DLG2: variants seen among roughly 807,000 people sequenced by gnomAD.
The protein encoded by DLG2 is discs large MAGUK scaffold protein 2, also known as disks large homolog 2.
DLG2 carries 45 observed loss-of-function variants against 132.5 expected under a neutral mutation model. The ratio of observed to expected loss-of-function variants is 0.34; its 90% CI spans 0.27 to 0.44. The LOEUF is 0.44. DLG2 is among the 20% of genes least tolerant of loss of function. DLG2 has a pLI of 1.00. For missense variants in DLG2, 1,045 were observed against 1,196.9 expected, an observed-to-expected ratio of 0.87 and a Z score of 1.87; for synonymous variants, 424 against 419.6, an observed-to-expected ratio of 1.01 and a Z score of -0.13.
At chr11:83,560,371 G>C (rs2096590709) in intron 19 of DLG2, among the ~76,000 whole-genome samples, 1 of 152,162 alleles carries the variant, frequency 6.6e-6, no homozygotes, top group Non-Finnish European at 1.5e-5. Flanking sequence ...ACCCACCTCA[G>C]CCTCCCAAAG....
chr11:85,078,380 T>A (rs1364711163), intron 6 of DLG2, among the ~76,000 whole-genome samples: 1 of 151,370 alleles, frequency 6.6e-6, no homozygotes, highest in Non-Finnish European at 1.5e-5. Context: ...GAAAGAACAT[T>A]CCAGGCAGAA....
At chr11:84,714,289 G>T (rs2060772084) in intron 6 of DLG2, among the ~76,000 whole-genome samples, 1 of 151,922 alleles carries the variant, frequency 6.6e-6, no homozygotes, top group South Asian at 2.1e-4. Context: ...TGAATTGATG[G>T]CTCCTCTGCT....
chr11:84,719,719 G>A (rs1332331384), intron 6 of DLG2, among the ~76,000 whole-genome samples: 1 of 152,134 alleles, frequency 6.6e-6, no homozygotes. Context: ...GAGTAACTGC[G>A]CCACCTCTTG....
rs574603898 is a variant in DLG2 at position 85,060,313 on chromosome 11, T to A, written c.357+51348A>T. 2.0e-4 allele frequency among the ~76,000 whole-genome samples: 30 copies of A among 150,756 alleles called. 1 individual carries two copies. In the South Asian group the frequency reaches 6.0e-3, roughly 30 times the overall value. On this transcript the variant is annotated intron_variant, in intron 6 of 27. Coordinates refer to ENST00000376104, the MANE Select transcript of DLG2 (RefSeq NM_001142699.3). ...TTAAAGGCTAAGTATATGTATATAA[T>A]ATATAACATAAGCATATTATATACA...
At chr11:84,148,281 G>A (rs1279588637) in intron 9 of DLG2, among the ~76,000 whole-genome samples, 1 of 152,100 alleles carries the variant, frequency 6.6e-6, no homozygotes, top group East Asian at 1.9e-4. Context: ...GGCATATTGT[G>A]TGACGCTGAG....
intron 6 of DLG2, among the ~76,000 whole-genome samples, chr11:84,987,793 T>G (rs989050251): frequency 1.3e-5 from 2 of 152,198 alleles, no homozygotes; most frequent in Non-Finnish European, 2.9e-5. Context: ...GACTTAAATG[T>G]GAGACCTGAA....
At chr11:85,179,398 TATATC>T (rs1357265657) in intron 4 of DLG2, among the ~76,000 whole-genome samples, 2 of 151,834 alleles carry the variant, frequency 1.3e-5, no homozygotes, top group East Asian at 3.9e-4. Context: ...ATAAATAAAA[TATATC>T]ATAAGTCAAA....
At chr11:84,628,879 A>G (rs1336633637) in intron 6 of DLG2, among the ~76,000 whole-genome samples, 1 of 152,208 alleles carries the variant, frequency 6.6e-6, no homozygotes, top group Non-Finnish European at 1.5e-5. Context: ...TAATTGTAAA[A>G]TGCATAATTG....
At chr11:84,511,821 G>A (rs1301120133) in intron 7 of DLG2, among the ~76,000 whole-genome samples, 1 of 152,088 alleles carries the variant, frequency 6.6e-6, no homozygotes, top group Non-Finnish European at 1.5e-5. Context: ...TCAGGGCCCT[G>A]CTTGGAGCTT....
At chr11:85,014,031 C>T (rs1292517990) in intron 6 of DLG2, among the ~76,000 whole-genome samples, 1 of 152,052 alleles carries the variant, frequency 6.6e-6, no homozygotes, top group Admixed American at 6.6e-5. Flanking sequence ...GGATTCTCCT[C>T]AAAAGAGAGG....
chr11:84,517,539 G>A (rs1463750904), intron 7 of DLG2, among the ~76,000 whole-genome samples: 2 of 152,062 alleles, frequency 1.3e-5, no homozygotes, highest in Non-Finnish European at 2.9e-5. Flanking sequence ...CTTACACACT[G>A]TTGATGGGAA....
rs191468594 is a variant in DLG2 at position 85,119,917 on chromosome 11, A to G, written c.283-8182T>C. Among the ~76,000 whole-genome samples, 65 of 152,248 alleles carry G rather than the reference A, an allele frequency of 4.3e-4. No homozygotes were observed. In the East Asian group the frequency reaches 0.012, roughly 27 times the overall value. On this transcript the variant is annotated intron_variant, in intron 5 of 27. Coordinates refer to ENST00000376104, the MANE Select transcript of DLG2 (RefSeq NM_001142699.3). ...CTACATGGGAAAGGTAACAATTACC[A>G]TATTTCCAAAGAATAAAGAATTTTA...
intron 3 of DLG2, among the ~76,000 whole-genome samples, chr11:85,497,426 C>A (rs981182072): frequency 6.6e-6 from 1 of 151,958 alleles, no homozygotes; most frequent in Non-Finnish European, 1.5e-5. Flanking sequence ...TCTGGAACTA[C>A]GTGAACAGGC....
chr11:84,184,722 T>C (rs2096240010), intron 8 of DLG2, among the ~76,000 whole-genome samples: 1 of 152,124 alleles, frequency 6.6e-6, no homozygotes, highest in Non-Finnish European at 1.5e-5. Context: ...TTTAAGTCTT[T>C]AATCCATCTT....
At chr11:85,386,612 T>C (rs73525497) in intron 3 of DLG2, among the ~76,000 whole-genome samples, 2,168 of 152,200 alleles carry the variant, frequency 0.014, 52 homozygotes, top group African/African-American at 0.049. Context: ...ATTATTAACA[T>C]AGATTATGTT....
At chr11:83,817,966 C>T (rs1217012135) in intron 17 of DLG2, among the ~76,000 whole-genome samples, 1 of 152,142 alleles carries the variant, frequency 6.6e-6, no homozygotes, top group African/African-American at 2.4e-5. Flanking sequence ...TTCAAAAACC[C>T]TTCAGTGCAT....
At chr11:84,636,261 A>G (rs867756163) in intron 6 of DLG2, among the ~76,000 whole-genome samples, 13 of 152,346 alleles carry the variant, frequency 8.5e-5, no homozygotes, top group Middle Eastern at 3.4e-3. Flanking sequence ...CATTTGGCCG[A>G]GAAATAGCCA....
chr11:85,038,182 A>G (rs2061570316), intron 6 of DLG2, among the ~76,000 whole-genome samples: 1 of 152,094 alleles, frequency 6.6e-6, no homozygotes, highest in Admixed American at 6.5e-5. Flanking sequence ...GAGAATAAAG[A>G]TCTCTCTTTC....
intron 9 of DLG2, among the ~76,000 whole-genome samples, chr11:84,124,847 C>CTTTTTTTTTTTTTTTTTTTTTTTTGT (rs34177526): frequency 8.2e-6 from 1 of 121,230 alleles, no homozygotes; most frequent in Non-Finnish European, 1.6e-5. Context: ...CTTGTTTTCA[C>CTTTTTTTTTTTTTTTTTTTTTTTTGT]TTTTTTTTTT....
Sources: gnomAD v4.1 joint callset for allele counts (sites outside exome capture counted in the v4.1 genomes callset) on GRCh38, gnomAD v4.1.1 for gene constraint, MANE v1.5 for transcripts, NCBI Gene and HGNC (gene_info 2026-07-23, HGNC 2026-07-21) for gene names.